The following ALG1L2 variants were observed in gnomAD, a reference collection of about 807,000 sequenced individuals.
The protein encoded by ALG1L2 is putative glycosyltransferase ALG1L2.
A neutral mutation model predicts 29.0 loss-of-function variants in ALG1L2; 32 were observed. The ratio of observed to expected loss-of-function variants is 1.10; its 90% CI spans 0.83 to 1.48. ALG1L2 has a LOEUF of 1.48. Among genes scored for constraint, ALG1L2 ranks in the 40% most tolerant of loss-of-function variants. The pLI is 0.00. For missense variants in ALG1L2, 318 were observed against 274.1 expected, an observed-to-expected ratio of 1.16 and a Z score of -1.13; for synonymous variants, 110 against 109.5, an observed-to-expected ratio of 1.00 and a Z score of -0.03.
intron 6 of ALG1L2, among the ~76,000 whole-genome samples, chr3:130,096,483 G>T (rs1935137556): frequency 1.3e-5 from 2 of 151,950 alleles, no homozygotes; most frequent in African/African-American, 2.4e-5. Flanking sequence ...CTTCACTCGG[G>T]GCTTTTGCTC....
chr3:130,094,488 G>A lies in ALG1L2; in HGVS notation c.399G>A (p.Glu133=). The change falls in exon 5 of 8, where the codon GAG becomes GAA. Residue 133 remains glutamate (E), a synonymous_variant. Transcript: ENST00000425059. ...TCCAGGTCTGCATCCCCTGGCTGGA[G>A]GGCCGAGGACTACCCCCGCTTCTAG... The part of the protein sequence containing the change: ...QHIQVCIPWL[E]GRGLPPLLGS... The A allele has an allele frequency of 3.1e-6, 5 of 1,596,154 alleles. No individual in the cohort carries two copies. Among genetic ancestry groups the A allele is most frequent in the South Asian group, 1.1e-5 (1 of 90,990 alleles).
rs537259691 is a variant in ALG1L2 at position 130,093,104 on chromosome 3, T to G, written c.257T>G (p.Phe86Cys). The change falls in exon 4 of 8, where the codon TTT becomes TGT. Residue 86 changes from phenylalanine to cysteine, a missense_variant. Phe to Cys is a radical substitution (Grantham distance 205). Coordinates refer to ENST00000425059, the MANE Select transcript of ALG1L2 (RefSeq NM_001136152.1). ...TTGTTTCTTTTTTTAAACACAGAGT[T>G]TGAACAACTGACTCTTGACGGACAG... ...LLVSSTSWTE[F>C]EQLTLDGQNL... 1 of 1,609,412 alleles carries G rather than the reference T, an allele frequency of 6.2e-7. No homozygotes were observed. The highest frequency in any genetic ancestry group is 1.3e-5 in the African/African-American group (1 of 74,658).
At chr3:130,082,101 A>T (rs545150940) in intron 1 of ALG1L2, 65 bp downstream of exon 1, 4 of 1,471,224 alleles carry the variant, frequency 2.7e-6, no homozygotes, top group East Asian at 4.9e-5. Flanking sequence ...CCTGCGTCTG[A>T]TAGACTGGAG....
intron 1 of ALG1L2, among the ~76,000 whole-genome samples, 192 bp downstream of exon 1, chr3:130,082,228 A>G (rs151168829): frequency 0.098 from 12,538 of 128,362 alleles, 382 homozygotes; most frequent in Non-Finnish European, 0.15. Context: ...AGATGAATTC[A>G]TGGGTGTTTG....
chr3:130,085,064 T>C (rs1934862784), intron 1 of ALG1L2, among the ~76,000 whole-genome samples: 1 of 129,318 alleles, frequency 7.7e-6, no homozygotes, highest in Admixed American at 8.3e-5. Context: ...GTTCAAGCAA[T>C]TGTCCTACCT....
intron 1 of ALG1L2, among the ~76,000 whole-genome samples, chr3:130,087,944 T>C (rs1934926623): frequency 6.6e-6 from 1 of 152,290 alleles, no homozygotes; most frequent in African/African-American, 2.4e-5. Context: ...CCAAGGTCAT[T>C]CTAGTGTGAA....
At chr3:130,084,039 G>A (rs1342159424) in intron 1 of ALG1L2, among the ~76,000 whole-genome samples, 3 of 151,490 alleles carry the variant, frequency 2.0e-5, no homozygotes, top group Admixed American at 2.0e-4. Flanking sequence ...AGCCTGCAGT[G>A]GCCATGGGGC....
At chr3:130,083,204 G>T (rs9877881) in intron 1 of ALG1L2, among the ~76,000 whole-genome samples, 1 of 142,748 alleles carries the variant, frequency 7.0e-6, no homozygotes, top group Non-Finnish European at 1.6e-5. Context: ...CCAGCATTTT[G>T]GGGGGCCGAG....
intron 1 of ALG1L2, among the ~76,000 whole-genome samples, chr3:130,088,256 C>G (rs1316798040): frequency 1.3e-5 from 2 of 152,298 alleles, no homozygotes; most frequent in African/African-American, 4.8e-5. Context: ...ATGCCCAGCT[C>G]AGTAAGTGAT....
intron 2 of ALG1L2, chr3:130,091,759 T>C (rs552003902): frequency 1.2e-5 from 7 of 591,594 alleles, no homozygotes; most frequent in South Asian, 9.2e-5. Context: ...GAAGGGAACT[T>C]TGTGCAGGTC....
intron 4 of ALG1L2, chr3:130,094,007 A>T: frequency 3.6e-6 from 1 of 279,366 alleles, no homozygotes; most frequent in Non-Finnish European, 7.0e-6. Flanking sequence ...GGGCTGTGGC[A>T]GGGCAGGGGC....
In ALG1L2 at chr3:130,098,304, G is replaced by A; in HGVS notation, c.*49G>A. 1 of 1,596,450 alleles carries A rather than the reference G, an allele frequency of 6.3e-7. No individual in the cohort carries two copies. Among genetic ancestry groups the A allele is most frequent in the Non-Finnish European group, 8.5e-7 (1 of 1,179,774 alleles). On this transcript the variant is annotated 3_prime_UTR_variant, in exon 8 of 8. Transcript: ENST00000425059. ...TCCGGAAGAACCTGCGGGAGTCGCA[G>A]CAGCTCTGATGGGATGAGAGCTGGG...
intron 4 of ALG1L2, among the ~76,000 whole-genome samples, chr3:130,093,719 C>T (rs570156301): frequency 2.6e-5 from 4 of 152,266 alleles, no homozygotes; most frequent in South Asian, 4.1e-4. Context: ...CCACTGTGCC[C>T]GGCCATGTCA....
At chr3:130,087,824 G>A (rs1204580480) in intron 1 of ALG1L2, among the ~76,000 whole-genome samples, 2 of 97,300 alleles carry the variant, frequency 2.1e-5, no homozygotes, top group Admixed American at 2.3e-4. Flanking sequence ...AATGCAATAG[G>A]ATCATCTCAG....
chr3:130,090,369 G>T (rs1035931323), intron 1 of ALG1L2, among the ~76,000 whole-genome samples: 2 of 152,292 alleles, frequency 1.3e-5, no homozygotes, highest in Non-Finnish European at 2.9e-5. Context: ...AATAAAGAAA[G>T]AAATAAAAAT....
chr3:130,090,043 C>G (rs1441334255), intron 1 of ALG1L2, among the ~76,000 whole-genome samples: 1 of 151,858 alleles, frequency 6.6e-6, no homozygotes, highest in Non-Finnish European at 1.5e-5. Context: ...AAATCCATCT[C>G]TAAATAAATA....
chr3:130,085,345 C>T (rs1421053935), intron 1 of ALG1L2, among the ~76,000 whole-genome samples: 1 of 124,022 alleles, frequency 8.1e-6, no homozygotes, highest in Admixed American at 8.4e-5. Context: ...ATCCTCCTGC[C>T]TCAGCCTCCC....
chr3:130,084,292 C>CCG (rs1293975740), intron 1 of ALG1L2, among the ~76,000 whole-genome samples: 4,388 of 130,292 alleles, frequency 0.034, 18 homozygotes, highest in African/African-American at 0.11. Flanking sequence ...ACCCCATTTC[C>CCG]CCCCCTCAAA....
intron 2 of ALG1L2, 58 bp from the exon 3 acceptor site, chr3:130,092,043 G>A (rs935501974): frequency 1.8e-5 from 28 of 1,599,078 alleles, no homozygotes; most frequent in African/African-American, 1.7e-4. Context: ...GGAGATGCCC[G>A]TTCTGGGTCC....
Sources: gnomAD v4.1 joint callset for allele counts (sites outside exome capture counted in the v4.1 genomes callset) on GRCh38, gnomAD v4.1.1 for gene constraint, MANE v1.5 for transcripts, NCBI Gene and HGNC (gene_info 2026-07-23, HGNC 2026-07-21) for gene names.